PSPC1: variants seen among roughly 807,000 people sequenced by gnomAD.
The protein encoded by PSPC1 is paraspeckle component 1, also known as paraspeckle protein 1.
A neutral mutation model predicts 51.6 loss-of-function variants in PSPC1; 14 were observed. That is an observed-to-expected ratio of 0.27 (90% CI 0.18 to 0.42). PSPC1 has a LOEUF of 0.42. PSPC1 is among the 10% of genes least tolerant of loss of function. PSPC1 has a pLI of 1.00. For missense variants in PSPC1, 406 were observed against 701.1 expected (o/e 0.58, Z 4.75); for synonymous variants, 193 against 231.9 (o/e 0.83, Z 1.53).
intron 5 of PSPC1, among the ~76,000 whole-genome samples, chr13:19,731,762 G>T (rs899196703): frequency 6.6e-5 from 10 of 152,074 alleles, no homozygotes; most frequent in African/African-American, 2.4e-4. Context: ...GCTCACTGGG[G>T]CATTTCAGAT....
At chr13:19,722,362 T>A (rs1882872344) in intron 6 of PSPC1, among the ~76,000 whole-genome samples, 1 of 151,964 alleles carries the variant, frequency 6.6e-6, no homozygotes, top group Non-Finnish European at 1.5e-5. Flanking sequence ...TAGGAGGGGC[T>A]GGTGTCACAC....
At chr13:19,705,096 CAAATT>C (rs371769515) in intron 8 of PSPC1, among the ~76,000 whole-genome samples, 14 of 152,268 alleles carry the variant, frequency 9.2e-5, no homozygotes, top group African/African-American at 3.4e-4. Context: ...AAGATGGAAA[CAAATT>C]AAAAAGCACA....
At chr13:19,673,909 C>G (rs1284030892), downstream of PSPC1, among the ~76,000 whole-genome samples, 1 of 152,214 alleles carries the variant, frequency 6.6e-6, no homozygotes, top group Non-Finnish European at 1.5e-5. Flanking sequence ...TAGTGCAGTT[C>G]AAGTGTACGC....
chr13:19,672,074 CAG>C, downstream of PSPC1: 1 of 579,650 alleles, frequency 1.7e-6, no homozygotes, highest in East Asian at 2.8e-5. Context: ...GTGCAGTGTC[CAG>C]ACTGCGTATT....
At chr13:19,722,798 A>G (rs886810156) in intron 6 of PSPC1, among the ~76,000 whole-genome samples, 6 of 151,822 alleles carry the variant, frequency 4.0e-5, no homozygotes, top group African/African-American at 1.4e-4. Flanking sequence ...CCGCCTCAAG[A>G]AAACAAAAAC....
chr13:19,773,834 G>A (rs796393818), intron 1 of PSPC1, among the ~76,000 whole-genome samples: 12 of 151,986 alleles, frequency 7.9e-5, no homozygotes, highest in African/African-American at 2.7e-4. Flanking sequence ...TTAATTTTCT[G>A]TAGAGATGGG....
intron 7 of PSPC1, among the ~76,000 whole-genome samples, chr13:19,677,220 A>G (rs1366269904): frequency 2.6e-4 from 36 of 136,048 alleles, no homozygotes; most frequent in Admixed American, 9.3e-4. Flanking sequence ...GCGACAGAGC[A>G]AGACTCCGTC....
At chr13:19,711,029 T>C (rs1381204586) in intron 6 of PSPC1, among the ~76,000 whole-genome samples, 1 of 151,772 alleles carries the variant, frequency 6.6e-6, no homozygotes, top group Non-Finnish European at 1.5e-5. Flanking sequence ...TTTGTAGAGA[T>C]AGGGTCTCGC....
downstream of PSPC1, among the ~76,000 whole-genome samples, chr13:19,698,626 ATTTT>A (rs1232519204): frequency 6.6e-6 from 1 of 151,814 alleles, no homozygotes; most frequent in African/African-American, 2.4e-5. Flanking sequence ...CAGAACTGAA[ATTTT>A]ATTTATGTGT....
At chr13:19,762,393 T>TA (rs1179040416) in intron 2 of PSPC1, among the ~76,000 whole-genome samples, 11 of 151,282 alleles carry the variant, frequency 7.3e-5, no homozygotes, top group East Asian at 3.9e-4. Flanking sequence ...CCATCTCTAC[T>TA]AAAAAAAATA....
chr13:19,717,391 C>A (rs1882233770), intron 6 of PSPC1, among the ~76,000 whole-genome samples: 1 of 151,038 alleles, frequency 6.6e-6, no homozygotes, highest in Non-Finnish European at 1.5e-5. Flanking sequence ...CATGGTGAAA[C>A]CCCATAAATA....
intron 4 of PSPC1, among the ~76,000 whole-genome samples, chr13:19,747,116 T>TA (rs937049214): frequency 2.2e-4 from 34 of 151,244 alleles, no homozygotes; most frequent in East Asian, 5.8e-4. Context: ...CTCAAAAAAA[T>TA]AAAAAAAAAT....
chr13:19,727,835 C>T (rs1011878542), intron 6 of PSPC1, among the ~76,000 whole-genome samples: 1 of 152,098 alleles, frequency 6.6e-6, no homozygotes, highest in African/African-American at 2.4e-5. Flanking sequence ...TTAGTAAATA[C>T]TGCCTGGAAA....
chr13:19,758,393 A>G (rs1050467787), intron 3 of PSPC1, among the ~76,000 whole-genome samples: 3 of 151,838 alleles, frequency 2.0e-5, no homozygotes, highest in Non-Finnish European at 4.4e-5. Context: ...AAATAAACAT[A>G]CATTTTGAAA....
chr13:19,671,346 T>A (rs1876116061), downstream of PSPC1: 1 of 1,484,220 alleles, frequency 6.7e-7, no homozygotes, highest in Non-Finnish European at 9.4e-7. Flanking sequence ...TCCAGATTAC[T>A]TTATCAACAT....
At chr13:19,726,680 G>C (rs943604644) in intron 6 of PSPC1, among the ~76,000 whole-genome samples, 3 of 151,974 alleles carry the variant, frequency 2.0e-5, no homozygotes, top group African/African-American at 7.3e-5. Flanking sequence ...TGAGGAAAGA[G>C]GACTGCTTGA....
chr13:19,767,576 T>C (rs1888196057), intron 2 of PSPC1, among the ~76,000 whole-genome samples: 1 of 152,040 alleles, frequency 6.6e-6, no homozygotes, highest in African/African-American at 2.4e-5. Context: ...AAGCTTAGGG[T>C]AAATATGGTA....
intron 6 of PSPC1, among the ~76,000 whole-genome samples, chr13:19,719,655 T>C (rs562567645): frequency 1.6e-4 from 24 of 152,320 alleles, no homozygotes; most frequent in Middle Eastern, 3.4e-3. Context: ...CTCGGTCAGG[T>C]AATTGAGTGA....
intron 4 of PSPC1, among the ~76,000 whole-genome samples, chr13:19,748,197 C>T (rs1028239237): frequency 6.8e-6 from 1 of 146,754 alleles, no homozygotes; most frequent in Non-Finnish European, 1.5e-5. Context: ...CCAGCTTGGG[C>T]GAAGAGCAAG....
Sources: allele counts gnomAD v4.1 joint callset (sites outside exome capture counted in the v4.1 genomes callset), GRCh38; gene constraint gnomAD v4.1.1; transcripts MANE v1.5; gene names NCBI Gene and HGNC (gene_info 2026-07-23, HGNC 2026-07-21).